Variants in RECQL5 observed in about 807,000 individuals in gnomAD.
RECQL5 encodes the protein ATP-dependent DNA helicase Q5.
Under a neutral mutation model 103.4 loss-of-function variants are expected in RECQL5, and 88 were observed. The ratio of observed to expected loss-of-function variants is 0.85; its 90% CI spans 0.72 to 1.02. The LOEUF is 1.02. Among genes scored for constraint, RECQL5 ranks in the 50% least tolerant of loss-of-function variants. The pLI, the probability that RECQL5 is intolerant of heterozygous loss-of-function variation, is 0.00. For synonymous variants in RECQL5, 552 were observed against 507.9 expected, an observed-to-expected ratio of 1.09 and a Z score of -1.17; for missense variants, 1,232 against 1,284.3, an observed-to-expected ratio of 0.96 and a Z score of 0.62.
intron 3 of RECQL5, 77 bp downstream of exon 3, chr17:75,664,974 G>C (rs2059748675): frequency 6.9e-7 from 1 of 1,442,102 alleles, no homozygotes; most frequent in Admixed American, 2.8e-5. Flanking sequence ...AAGACCAATA[G>C]AGAAGTGAAA....
intron 8 of RECQL5, among the ~76,000 whole-genome samples, chr17:75,642,960 T>C (rs2059450596): frequency 6.6e-6 from 1 of 152,202 alleles, no homozygotes; most frequent in Non-Finnish European, 1.5e-5. Flanking sequence ...GATAAGGCTC[T>C]AATCCATTAT....
chr17:75,650,579 A>T (rs1403105293), intron 8 of RECQL5: 2 of 1,570,606 alleles, frequency 1.3e-6, no homozygotes, highest in East Asian at 2.4e-5. Context: ...GATGAGATGA[A>T]TCCAAGAGCT....
At chr17:75,638,462 C>T (rs1211977781) in intron 8 of RECQL5, 3 of 152,342 alleles carry the variant, frequency 2.0e-5, no homozygotes, top group African/African-American at 4.8e-5. Flanking sequence ...GCTTGGGCAA[C>T]AAGAGAGAAA....
At chr17:75,651,492 C>T (rs896930421) in intron 7 of RECQL5, among the ~76,000 whole-genome samples, 1 of 152,024 alleles carries the variant, frequency 6.6e-6, no homozygotes, top group Non-Finnish European at 1.5e-5. Flanking sequence ...GGTGTGGCAG[C>T]GCATGCCTGT....
chr17:75,633,819 T>C, intron 8 of RECQL5: 4 of 1,005,764 alleles, frequency 4.0e-6, no homozygotes, highest in Non-Finnish European at 4.8e-6. Flanking sequence ...GCCGACTTCT[T>C]TCTTCAGCTC....
At chr17:75,633,753 CCTCCACAGG>C (rs1017565582) in intron 8 of RECQL5, 1 of 1,040,614 alleles carries the variant, frequency 9.6e-7, no homozygotes. Context: ...GCAGGACTCC[CCTCCACAGG>C]CTCAGGTGGA....
chr17:75,655,393 T>G (rs1471866425), intron 7 of RECQL5, among the ~76,000 whole-genome samples: 1 of 150,138 alleles, frequency 6.7e-6, no homozygotes, highest in East Asian at 2.0e-4. Flanking sequence ...AGACAGAGTC[T>G]CGCTCTATCA....
intron 8 of RECQL5, chr17:75,646,324 C>G (rs902953502): frequency 1.3e-5 from 2 of 152,402 alleles, no homozygotes; most frequent in Non-Finnish European, 2.9e-5. Context: ...GGGGCAGGTC[C>G]GCAGTCCACA....
intron 8 of RECQL5, among the ~76,000 whole-genome samples, chr17:75,644,029 C>T (rs905341854): frequency 6.6e-6 from 1 of 152,196 alleles, no homozygotes; most frequent in Non-Finnish European, 1.5e-5. Flanking sequence ...TAGGGATGGG[C>T]GTGGTGACTC....
intron 6 of RECQL5, 144 bp from the exon 7 acceptor site, chr17:75,658,604 T>G (rs1421887196): frequency 7.3e-6 from 5 of 686,012 alleles, no homozygotes; most frequent in Non-Finnish European, 1.2e-5. Context: ...TTAAGACACC[T>G]GTAGCCCATC....
rs7216466 is a variant in RECQL5 at position 75,646,951 on chromosome 17, C to T, written c.1229+4235G>A. On this transcript the variant is annotated intron_variant, in intron 8 of 19. Transcript: ENST00000317905. ...AGTTGGCCCCTCCTCGGCTCCTATA[C>T]GCTCTCTCAAATGCCTCCCAAATGT... Among the ~76,000 whole-genome samples, 84 of 152,328 alleles carry T rather than the reference C, an allele frequency of 5.5e-4. 1 individual carries two copies. The highest frequency in any genetic ancestry group is 1.5e-3 in the African/African-American group (63 of 41,588).
Position 75,630,620 on chromosome 17 carries a change from C to T in RECQL5, c.1717G>A (p.Glu573Lys). The T allele has an allele frequency of 6.2e-7, 1 of 1,613,692 alleles. No homozygotes were observed. Among genetic ancestry groups the T allele is most frequent in the South Asian group, 1.1e-5 (1 of 91,074 alleles). Reference sequence around the variant, plus strand: ...CAGCCCAGTGATCGTGGAACTCACTCATCAGCGGTACGTGTTGACTGGCGG... The same window carrying T: ...CAGCCCAGTGATCGTGGAACTCACTTATCAGCGGTACGTGTTGACTGGCGG... Reference protein sequence around the residue: ...SNRQSTRTADEADLRAKAVEL... With the variant: ...SNRQSTRTADKADLRAKAVEL... Residue 573 changes from glutamate to lysine, a missense_variant and splice_region_variant, in exon 13 of 20, where the codon GAA becomes AAA. Physicochemically the swap from Glu to Lys is moderately conservative, Grantham distance 56 (BLOSUM62 1). Coordinates refer to ENST00000317905, the MANE Select transcript of RECQL5 (RefSeq NM_004259.7).
rs1429006185 is a variant in RECQL5 at position 75,628,645 on chromosome 17, C to A, written c.2580+27G>T. 2.5e-6 allele frequency: 4 copies of A among 1,569,030 alleles called. No individual in the cohort carries two copies. In the Admixed American group the frequency reaches 6.1e-5, roughly 24 times the overall value. On this transcript the variant is annotated intron_variant, in intron 17 of 19. Transcript: ENST00000317905. ...GCCTCGCCCACAGCCCTTCTCTCCT[C>A]CCCAACAGACTCATCCCTGCCGGCA... is the stretch of plus-strand genomic sequence containing the variant.
intron 14 of RECQL5, 95 bp from the exon 15 acceptor site, chr17:75,629,937 T>C (rs796315271): frequency 6.8e-7 from 1 of 1,472,380 alleles, no homozygotes; most frequent in East Asian, 2.3e-5. Context: ...TACAAGTGGG[T>C]TTCTGTGGCC....
At chr17:75,630,508 G>C (rs780550519) in intron 13 of RECQL5, 111 bp downstream of exon 13, 1 of 1,169,230 alleles carries the variant, frequency 8.6e-7, no homozygotes, top group African/African-American at 1.5e-5. Context: ...GAGTAGGAGA[G>C]GTACAATCTG....
At chr17:75,660,161 G>A (rs964571422) in intron 6 of RECQL5, among the ~76,000 whole-genome samples, 1 of 152,130 alleles carries the variant, frequency 6.6e-6, no homozygotes, top group Non-Finnish European at 1.5e-5. Flanking sequence ...CCGCCTCCCG[G>A]GCTCAAGCAA....
At chr17:75,628,133 G>A in intron 18 of RECQL5, 85 bp downstream of exon 18, 1 of 1,218,292 alleles carries the variant, frequency 8.2e-7, no homozygotes, top group Non-Finnish European at 1.2e-6. Context: ...ACTGTGTTCT[G>A]GGGCTCAAAC....
At chr17:75,653,603 A>G in intron 7 of RECQL5, among the ~76,000 whole-genome samples, 1 of 152,320 alleles carries the variant, frequency 6.6e-6, no homozygotes, top group Middle Eastern at 3.4e-3. Flanking sequence ...TTAATACAGA[A>G]AAGGAAAAAA....
chr17:75,637,195 G>A (rs1029434346), intron 8 of RECQL5: 1 of 152,290 alleles, frequency 6.6e-6, no homozygotes, highest in Admixed American at 6.5e-5. Flanking sequence ...CGCTCACAAG[G>A]AAAAGTGCCC....
Sources: allele counts gnomAD v4.1 joint callset (sites outside exome capture counted in the v4.1 genomes callset), GRCh38; gene constraint gnomAD v4.1.1; transcripts MANE v1.5; gene names NCBI Gene and HGNC (gene_info 2026-07-23, HGNC 2026-07-21).